GIMAP4: variants seen among roughly 807,000 people sequenced by gnomAD.
GIMAP4 encodes the protein GTPase, IMAP family member 4, also known as GTPase IMAP family member 4.
In GIMAP4, 12 loss-of-function variants were observed where a neutral mutation model predicts 10.8. That is an observed-to-expected ratio of 1.11 (90% CI 0.71 to 1.81). GIMAP4 has a LOEUF of 1.81. Ranked by LOEUF, GIMAP4 falls within the 40% of genes most tolerant of loss-of-function variation. GIMAP4 has a pLI of 0.00. For synonymous variants in GIMAP4, 149 were observed against 147.2 expected, an observed-to-expected ratio of 1.01 and a Z score of -0.09; for missense variants, 412 against 404.6, an observed-to-expected ratio of 1.02 and a Z score of -0.16.
At chr7:150,569,783 A>G in intron 1 of GIMAP4, 105 bp from the exon 2 acceptor site, 1 of 658,574 alleles carries the variant, frequency 1.5e-6, no homozygotes, top group East Asian at 2.6e-5. Flanking sequence ...AAATCAATGT[A>G]GCAAGCTCAT....
intron 2 of GIMAP4, among the ~76,000 whole-genome samples, chr7:150,571,067 T>C (rs985740948): frequency 1.3e-5 from 2 of 152,180 alleles, no homozygotes; most frequent in Non-Finnish European, 2.9e-5. Flanking sequence ...ACTGACTAAC[T>C]GTTGCAGTGT....
chr7:150,572,846 A>G lies in GIMAP4; in HGVS notation c.776A>G (p.Tyr259Cys). 6.2e-7 allele frequency: 1 copy of G among 1,613,800 alleles called. No individual in the cohort carries two copies. Among genetic ancestry groups the G allele is most frequent in the Non-Finnish European group, 8.5e-7 (1 of 1,179,850 alleles). Reference protein sequence around the residue: ...EREKARIREEYEEKIRKLEDK... With the variant: ...EREKARIREECEEKIRKLEDK... Reference sequence around the variant, plus strand: ...GAGAAAGCGCGGATAAGAGAGGAGTATGAAGAGAAAATCAGAAAGCTGGAA... The same window carrying G: ...GAGAAAGCGCGGATAAGAGAGGAGTGTGAAGAGAAAATCAGAAAGCTGGAA... The change falls in exon 3 of 3, where the codon TAT (tyrosine) becomes TGT (cysteine). Residue 259 changes from tyrosine (Y) to cysteine (C), a missense_variant. Tyr to Cys is a radical substitution (Grantham distance 194, BLOSUM62 -2). Transcript: ENST00000255945.
At chr7:150,567,983 C>T (rs1486743562) in intron 1 of GIMAP4, among the ~76,000 whole-genome samples, 1 of 152,136 alleles carries the variant, frequency 6.6e-6, no homozygotes, top group Non-Finnish European at 1.5e-5. Context: ...AGGGAGATGC[C>T]ACCTGGTGTG....
At chr7:150,569,817 C>T (rs1422557371) in intron 1 of GIMAP4, 71 bp from the exon 2 acceptor site, 1 of 761,160 alleles carries the variant, frequency 1.3e-6, no homozygotes, top group East Asian at 2.5e-5. Context: ...TTGTTGTTGA[C>T]TACAGGCAGT....
Position 150,573,606 on chromosome 7 carries a change from C to T in GIMAP4, c.*546C>T, listed in dbSNP as rs1795764650. 1 of 152,386 alleles carries T rather than the reference C, an allele frequency of 6.6e-6. No individual in the cohort carries two copies. Among genetic ancestry groups the T allele is most frequent in the Non-Finnish European group, 1.5e-5 (1 of 68,202 alleles). 9.4% of individuals were successfully genotyped at this position (152,386 alleles called of 1,614,324 possible). ...TATAAGGAGTCAAATTGTTTCTTAT[C>T]ATTTGTTCATTGAAGAACAGAGACC... On this transcript the variant is annotated 3_prime_UTR_variant, in exon 3 of 3. Transcript: ENST00000255945.
intron 1 of GIMAP4, among the ~76,000 whole-genome samples, chr7:150,568,104 C>T (rs1259190540): frequency 2.0e-5 from 3 of 152,204 alleles, no homozygotes; most frequent in Admixed American, 6.5e-5. Flanking sequence ...AGTCTCCTGG[C>T]TTTGCCTCTG....
chr7:150,570,157 C>T (rs558702407), intron 2 of GIMAP4, 198 bp downstream of exon 2: 733 of 603,432 alleles, frequency 1.2e-3, no homozygotes, highest in Non-Finnish European at 1.9e-3. Flanking sequence ...TGACCCTCTG[C>T]ACTTTCTGCC....
At position 150,572,534 on chromosome 7, in the gene GIMAP4, G is replaced by C. The variant is rs1283228798; in HGVS notation, c.464G>C (p.Arg155Pro). The change falls in exon 3 of 3, where the codon CGG (arginine) becomes CCG (proline). Residue 155 changes from arginine to proline, a missense_variant. Physicochemically the swap from Arg to Pro is moderately radical, Grantham distance 103. Transcript: ENST00000255945. ...AGTTTCATGATTCTCATATTCACCC[G>C]GAAAGATGACTTAGGTGACACCAAT... ...ARSFMILIFT[R>P]KDDLGDTNLH... 2 of 1,614,122 alleles carry C rather than the reference G, an allele frequency of 1.2e-6. No homozygotes were observed. The highest frequency in any genetic ancestry group is 2.2e-5 in the South Asian group (2 of 91,080).
Position 150,572,498 on chromosome 7 carries a change from A to T in GIMAP4, c.428A>T (p.Glu143Val). 1 of 1,614,166 alleles carries T rather than the reference A, an allele frequency of 6.2e-7. No homozygotes were observed. The highest frequency in any genetic ancestry group is 1.7e-5 in the Admixed American group (1 of 60,028). ...ATEKILKMFGERARSFMILIF... is the reference protein window; with the variant it reads ...ATEKILKMFGVRARSFMILIF... ...GAGAAGATCCTGAAAATGTTTGGAG[A>T]GAGGGCTAGAAGTTTCATGATTCTC... Residue 143 changes from glutamate (E) to valine (V), a missense_variant, in exon 3 of 3, where the codon GAG (glutamate) becomes GTG (valine). Transcript: ENST00000255945.
chr7:150,572,769 C>T lies in GIMAP4; in HGVS notation c.699C>T (p.Ile233=). 6.2e-7 allele frequency: 1 copy of T among 1,613,998 alleles called. No individual in the cohort carries two copies. The highest frequency in any genetic ancestry group is 8.5e-7 in the Non-Finnish European group (1 of 1,180,026). ...TGTACCAAAGGGCGGAGGAGGAGAT[C>T]CAGAAGCAAACACAAGCAATGCAAG... ...NRMYQRAEEE[I]QKQTQAMQEL... The change falls in exon 3 of 3, where the codon ATC becomes ATT. Residue 233 remains isoleucine (I), a synonymous_variant. Transcript: ENST00000255945.
In GIMAP4 at chr7:150,572,104, CTT is replaced by C. The variant is rs3215316; in HGVS notation, c.59-15_59-14del. On this transcript the variant is annotated intron_variant, in intron 2 of 2. Coordinates refer to ENST00000255945, the MANE Select transcript of GIMAP4 (RefSeq NM_018326.3). ...TTAGAGGTAGATTCTAACAGCATGG[CTT>C]TTTTTTTTTCTTGATGTCCCAGGGC... 89 of 1,142,776 alleles carry C rather than the reference CTT, an allele frequency of 7.8e-5. No homozygotes were observed. The highest frequency in any genetic ancestry group is 1.5e-4 in the African/African-American group (10 of 64,966). 70.8% of individuals were successfully genotyped at this position (1,142,776 alleles called of 1,614,324 possible).
chr7:150,573,159 C>G lies in GIMAP4; in HGVS notation c.*99C>G. Reference sequence around the variant, plus strand: ...GTCGAGTGCTCTAGTTTCTGTCTCTCAGGCACTCGTAACTAAGGACCACCA... The same window carrying G: ...GTCGAGTGCTCTAGTTTCTGTCTCTGAGGCACTCGTAACTAAGGACCACCA... On this transcript the variant is annotated 3_prime_UTR_variant, in exon 3 of 3. Transcript: ENST00000255945. 1.4e-6 allele frequency: 1 copy of G among 738,878 alleles called. No individual in the cohort carries two copies. The highest frequency in any genetic ancestry group is 1.8e-5 in the African/African-American group (1 of 56,674). The allele number at this position is 738,878 out of a possible 1,614,324, so 45.8% of individuals were successfully genotyped here. A position where few individuals can be genotyped will look rare whatever the true frequency, so the allele number is the denominator to read the frequency against.
intron 2 of GIMAP4, 69 bp downstream of exon 2, chr7:150,570,028 G>C (rs1330203630): frequency 1.2e-6 from 1 of 820,916 alleles, no homozygotes; most frequent in South Asian, 1.4e-5. Flanking sequence ...GGGGGATTTG[G>C]GGGGGAATAG....
intron 2 of GIMAP4, among the ~76,000 whole-genome samples, chr7:150,570,592 G>A (rs531332171): frequency 6.6e-6 from 1 of 152,310 alleles, no homozygotes; most frequent in Non-Finnish European, 1.5e-5. Flanking sequence ...TCACTGGGCT[G>A]TTCTTGGGTC....
rs866397693 is a variant in GIMAP4, at chr7:150,572,403, C to T, written c.333C>T (p.Ser111=). Residue 111 remains serine (S), a synonymous_variant, in exon 3 of 3, where the codon TCC becomes TCT. Coordinates refer to ENST00000255945, the MANE Select transcript of GIMAP4 (RefSeq NM_018326.3). ...KEIIRCILLT[S]PGPHALLLVV... is the part of the protein sequence containing the mutation. ...TTATTCGCTGCATTCTTCTGACCTC[C>T]CCAGGGCCTCATGCTCTGCTTCTGG... 5 of 1,614,150 alleles carry T rather than the reference C, an allele frequency of 3.1e-6. No individual in the cohort carries two copies. The South Asian group carries it at 5.5e-5, about 18-fold the overall frequency.
Position 150,573,116 on chromosome 7 carries a change from AC to A in GIMAP4, c.*57del. 8.6e-7 allele frequency: 1 copy of A among 1,159,464 alleles called. No homozygotes were observed. The highest frequency in any genetic ancestry group is 2.0e-5 in the Admixed American group (1 of 50,486). 71.8% of individuals were successfully genotyped at this position (1,159,464 alleles called of 1,614,324 possible). ...ATATTCTCTGGCAACCTTGCCCCATACTTACTTATTTAGCATAGTCGAGTGC... is the reference window on the plus strand; with the variant it reads ...ATATTCTCTGGCAACCTTGCCCCATATTACTTATTTAGCATAGTCGAGTGC... On this transcript the variant is annotated 3_prime_UTR_variant, in exon 3 of 3. Coordinates refer to ENST00000255945, the MANE Select transcript of GIMAP4 (RefSeq NM_018326.3).
chr7:150,572,617 G>T lies in GIMAP4; in HGVS notation c.547G>T (p.Gly183Cys). The change falls in exon 3 of 3, where the codon GGT becomes TGT. Residue 183 changes from glycine to cysteine, a missense_variant. Physicochemically the swap from Gly to Cys is radical, Grantham distance 159 (BLOSUM62 -3). Coordinates refer to ENST00000255945, the MANE Select transcript of GIMAP4 (RefSeq NM_018326.3). Reference protein sequence around the residue: ...EDIQDLMDIFGDRYCALNNKA... With the variant: ...EDIQDLMDIFCDRYCALNNKA... ...CATTCAAGACTTGATGGACATTTTC[G>T]GTGACCGCTACTGTGCGTTAAACAA... The T allele has an allele frequency of 6.2e-7, 1 of 1,614,174 alleles. No homozygotes were observed. The highest frequency in any genetic ancestry group is 8.5e-7 in the Non-Finnish European group (1 of 1,180,004).
At position 150,572,352 on chromosome 7, in the gene GIMAP4, GC is replaced by G; in HGVS notation, c.285del (p.Asn96MetfsTer14). 6.2e-7 allele frequency: 1 copy of G among 1,613,970 alleles called. No homozygotes were observed. The highest frequency in any genetic ancestry group is 1.1e-5 in the South Asian group (1 of 91,084). ...CACCAGGCATTTTCGACACAGAGGTGCCCAATGCTGAAACGTCCAAGGAGAT... is the reference window on the plus strand; with the variant it reads ...CACCAGGCATTTTCGACACAGAGGTGCCAATGCTGAAACGTCCAAGGAGAT... The part of the protein sequence containing the change: ...DTPGIFDTEV[P>X]NAETSKEIIR... On this transcript the variant is annotated frameshift_variant, in exon 3 of 3. Coordinates refer to ENST00000255945, the MANE Select transcript of GIMAP4 (RefSeq NM_018326.3). LOFTEE classifies it high-confidence loss of function.
intron 2 of GIMAP4, among the ~76,000 whole-genome samples, chr7:150,571,635 T>C (rs1206946807): frequency 6.6e-6 from 1 of 151,800 alleles, no homozygotes; most frequent in African/African-American, 2.4e-5. Context: ...ACAAAAATTA[T>C]CCGGGCATGG....
Sources: allele counts gnomAD v4.1 joint callset (sites outside exome capture counted in the v4.1 genomes callset), GRCh38; gene constraint gnomAD v4.1.1; transcripts MANE v1.5; gene names NCBI Gene and HGNC (gene_info 2026-07-23, HGNC 2026-07-21).